LRRC4C: variants seen among roughly 807,000 people sequenced by gnomAD.
LRRC4C encodes the protein leucine rich repeat containing 4C, also known as leucine-rich repeat-containing protein 4C.
A neutral mutation model predicts 33.6 loss-of-function variants in LRRC4C; 5 were observed. The observed-to-expected ratio is 0.15, with a 90% CI of 0.08 to 0.31. LRRC4C has a LOEUF of 0.31. Among genes scored for constraint, LRRC4C ranks in the 10% least tolerant of loss-of-function variants. LRRC4C has a pLI of 1.00. For missense variants in LRRC4C, 560 were observed against 796.7 expected (o/e 0.70, Z 3.58); for synonymous variants, 329 against 302.0 (o/e 1.09, Z -0.93).
chr11:40,184,186 T>C (rs996470710), intron 5 of LRRC4C, among the ~76,000 whole-genome samples: 1 of 152,170 alleles, frequency 6.6e-6, no homozygotes, highest in Non-Finnish European at 1.5e-5. Context: ...AAAGAGGAAT[T>C]ACATGGGCAC....
At chr11:40,138,751 G>T (rs894677719) in intron 6 of LRRC4C, among the ~76,000 whole-genome samples, 1 of 152,134 alleles carries the variant, frequency 6.6e-6, no homozygotes, top group East Asian at 1.9e-4. Flanking sequence ...CTTTCCTAAG[G>T]AAATTCTTAC....
intron 1 of LRRC4C, among the ~76,000 whole-genome samples, chr11:40,963,930 C>A (rs1851145662): frequency 6.6e-6 from 1 of 151,620 alleles, no homozygotes; most frequent in Non-Finnish European, 1.5e-5. Flanking sequence ...TTTGGGCAAT[C>A]TTTAAAAATC....
chr11:40,587,183 T>C (rs945729932), intron 3 of LRRC4C, among the ~76,000 whole-genome samples: 1 of 151,898 alleles, frequency 6.6e-6, no homozygotes, highest in African/African-American at 2.4e-5. Flanking sequence ...CTTGAAGAGG[T>C]CCTTCACTTC....
chr11:40,705,135 G>C (rs926237476), intron 2 of LRRC4C, among the ~76,000 whole-genome samples: 4 of 152,078 alleles, frequency 2.6e-5, no homozygotes, highest in African/African-American at 7.2e-5. Flanking sequence ...CCAAGATAAA[G>C]TAACTTGCTC....
chr11:40,258,776 T>G (rs1030569108), intron 4 of LRRC4C, among the ~76,000 whole-genome samples: 1 of 152,222 alleles, frequency 6.6e-6, no homozygotes, highest in Admixed American at 6.5e-5. Flanking sequence ...CTGCTGCTCA[T>G]GTCCCACCTA....
chr11:40,728,769 C>T (rs1947415345), intron 2 of LRRC4C, among the ~76,000 whole-genome samples: 2 of 151,744 alleles, frequency 1.3e-5, no homozygotes, highest in Admixed American at 6.6e-5. Context: ...ATCATAAGAA[C>T]GTGCATATAC....
chr11:40,916,588 T>G (rs1176043310), intron 2 of LRRC4C, among the ~76,000 whole-genome samples: 1 of 151,988 alleles, frequency 6.6e-6, no homozygotes, highest in South Asian at 2.1e-4. Context: ...AGGAGATATA[T>G]CTAATGTTAA....
chr11:40,664,779 T>C (rs1943627822), intron 2 of LRRC4C, among the ~76,000 whole-genome samples: 2 of 152,136 alleles, frequency 1.3e-5, no homozygotes, highest in South Asian at 4.2e-4. Context: ...AATATATATA[T>C]AGATATTTAT....
intron 1 of LRRC4C, among the ~76,000 whole-genome samples, chr11:41,108,582 T>C (rs1941649073): frequency 1.3e-5 from 2 of 152,270 alleles, no homozygotes; most frequent in South Asian, 2.1e-4. Context: ...TATCTACTTG[T>C]CAAATATATT....
intron 1 of LRRC4C, among the ~76,000 whole-genome samples, chr11:41,171,821 G>T (rs529800172): frequency 6.6e-6 from 1 of 152,042 alleles, no homozygotes; most frequent in Admixed American, 6.6e-5. Context: ...ATTAGCAGGT[G>T]ACCCAATCTG....
chr11:40,899,754 A>G (rs1956127160), intron 2 of LRRC4C, among the ~76,000 whole-genome samples: 1 of 152,186 alleles, frequency 6.6e-6, no homozygotes, highest in African/African-American at 2.4e-5. Context: ...ACACACTACT[A>G]TAAGAAAAAT....
At chr11:41,043,064 A>G (rs1159780535) in intron 1 of LRRC4C, among the ~76,000 whole-genome samples, 3 of 130,640 alleles carry the variant, frequency 2.3e-5, no homozygotes, top group Non-Finnish European at 4.7e-5. Flanking sequence ...TATACAGAAT[A>G]GACCTTTTTT....
intron 6 of LRRC4C, among the ~76,000 whole-genome samples, chr11:40,131,649 T>C (rs1351141316): frequency 6.6e-6 from 1 of 152,138 alleles, no homozygotes; most frequent in Non-Finnish European, 1.5e-5. Flanking sequence ...GGATTGAGTG[T>C]TGTGATTTTG....
At chr11:40,877,425 C>G (rs114533399) in intron 2 of LRRC4C, among the ~76,000 whole-genome samples, 1,926 of 152,224 alleles carry the variant, frequency 0.013, 49 homozygotes, top group African/African-American at 0.044. Flanking sequence ...ATTGTTGCCT[C>G]GTTGTCAACA....
chr11:40,843,380 T>C (rs1319074734), intron 2 of LRRC4C, among the ~76,000 whole-genome samples: 1 of 152,174 alleles, frequency 6.6e-6, no homozygotes, highest in African/African-American at 2.4e-5. Flanking sequence ...TCATTTCCTA[T>C]AGTTTTTACT....
At chr11:41,218,953 A>C (rs1590967994) in intron 1 of LRRC4C, among the ~76,000 whole-genome samples, 2 of 151,696 alleles carry the variant, frequency 1.3e-5, no homozygotes, top group Middle Eastern at 6.8e-3. Context: ...GTGTGTTTTT[A>C]GTAGAGACGG....
At chr11:40,372,773 C>T (rs1289830426) in intron 3 of LRRC4C, among the ~76,000 whole-genome samples, 1 of 152,138 alleles carries the variant, frequency 6.6e-6, no homozygotes, top group Non-Finnish European at 1.5e-5. Flanking sequence ...GAAAAGCATA[C>T]TTTGTCATTA....
chr11:40,386,677 C>G (rs1949124419), intron 3 of LRRC4C, among the ~76,000 whole-genome samples: 1 of 152,130 alleles, frequency 6.6e-6, no homozygotes, highest in Admixed American at 6.5e-5. Flanking sequence ...TCTTTTCTAG[C>G]TTTCTTCGCT....
chr11:40,330,408 A>G (rs540976084), intron 3 of LRRC4C, among the ~76,000 whole-genome samples: 3 of 152,204 alleles, frequency 2.0e-5, no homozygotes, highest in Non-Finnish European at 4.4e-5. Flanking sequence ...ATGTGTAATG[A>G]TCAAGTAAGG....
Sources: allele counts gnomAD v4.1 joint callset (sites outside exome capture counted in the v4.1 genomes callset), GRCh38; gene constraint gnomAD v4.1.1; transcripts MANE v1.5; gene names NCBI Gene and HGNC (gene_info 2026-07-23, HGNC 2026-07-21).